Variants in TENM1 observed in about 807,000 individuals in gnomAD.
The protein encoded by TENM1 is teneurin-1.
TENM1 carries 35 observed loss-of-function variants against 174.8 expected under a neutral mutation model. The observed-to-expected ratio is 0.20, with a 90% CI of 0.15 to 0.27. TENM1 has a LOEUF of 0.27. Among genes scored for constraint, TENM1 ranks in the 10% least tolerant of loss-of-function variants. The pLI, the probability that TENM1 is intolerant of heterozygous loss-of-function variation, is 1.00. For missense variants in TENM1, 1,633 were observed against 2,130.1 expected (o/e 0.77, Z 4.59); for synonymous variants, 781 against 798.7 (o/e 0.98, Z 0.37).
chrX:124,882,781 G>A (rs2057322931), intron 3 of TENM1, among the ~76,000 whole-genome samples: 1 of 111,429 alleles, frequency 9.0e-6, no homozygotes, highest in Admixed American at 9.5e-5. Context: ...TCCTAATTCT[G>A]TGAAACATGT....
chrX:124,572,994 A>G (rs1217148466), intron 11 of TENM1, among the ~76,000 whole-genome samples: 1 of 111,564 alleles, frequency 9.0e-6, no homozygotes. Flanking sequence ...AGAGCTTGAA[A>G]CATGATCCTA....
intron 23 of TENM1, among the ~76,000 whole-genome samples, chrX:124,452,630 A>T (rs1293709915): frequency 6.3e-5 from 7 of 111,553 alleles, no homozygotes; most frequent in Non-Finnish European, 1.3e-4. Context: ...CAAATGTCCA[A>T]CAATGATAGA....
chrX:124,994,238 T>TTC, the TENM1 span, among the ~76,000 whole-genome samples: 1 of 70,934 alleles, frequency 1.4e-5, no homozygotes, highest in African/African-American at 5.5e-5. Context: ...TTTTTTTTTT[T>TTC]GGCAATTGAC....
intron 3 of TENM1, among the ~76,000 whole-genome samples, chrX:124,756,232 C>T (rs1252966078): frequency 1.9e-5 from 2 of 102,787 alleles, no homozygotes; most frequent in Non-Finnish European, 3.8e-5. Flanking sequence ...CGCTTCATTT[C>T]ATTCATTTCA....
chrX:125,066,697 C>T, the TENM1 span, among the ~76,000 whole-genome samples: 1 of 111,151 alleles, frequency 9.0e-6, no homozygotes, highest in African/African-American at 3.3e-5. Flanking sequence ...AAGTTTATAA[C>T]AAAACATGAA....
At chrX:124,460,030 T>C (rs1326513414) in intron 22 of TENM1, among the ~76,000 whole-genome samples, 2 of 112,032 alleles carry the variant, frequency 1.8e-5, no homozygotes, top group Middle Eastern at 4.2e-3. Flanking sequence ...CACAATGAGA[T>C]ACCATTTCAC....
intron 22 of TENM1, 37 bp downstream of exon 25, chrX:124,481,695 G>GTGTATA (rs1556647047): frequency 7.6e-6 from 2 of 263,938 alleles, no homozygotes; most frequent in African/African-American, 3.6e-5. Context: ...TGACCCAAGG[G>GTGTATA]TATATATATA....
At chrX:124,790,781 T>G in intron 3 of TENM1, among the ~76,000 whole-genome samples, 1 of 111,542 alleles carries the variant, frequency 9.0e-6, no homozygotes, top group Non-Finnish European at 1.9e-5. Context: ...GAAAGAGTTT[T>G]ATAATTTTAC....
At chrX:124,477,429 AT>A (rs1166722127) in intron 22 of TENM1, among the ~76,000 whole-genome samples, 3 of 111,794 alleles carry the variant, frequency 2.7e-5, no homozygotes, top group Non-Finnish European at 3.8e-5. Flanking sequence ...ATTGAAAAGC[AT>A]TTTTTTCCCC....
At chrX:125,045,033 T>C in the TENM1 span, among the ~76,000 whole-genome samples, 1 of 111,477 alleles carries the variant, frequency 9.0e-6, no homozygotes, top group African/African-American at 3.3e-5. Flanking sequence ...CCACATGGCT[T>C]GAGAGGCCTC....
intron 23 of TENM1, among the ~76,000 whole-genome samples, chrX:124,450,447 T>G (rs964485317): frequency 2.7e-5 from 3 of 111,486 alleles, no homozygotes; most frequent in South Asian, 3.8e-4. Context: ...TGCCCCTCCT[T>G]GCCTTCTACC....
At chrX:124,529,219 A>G (rs1433945208) in intron 16 of TENM1, among the ~76,000 whole-genome samples, 2 of 111,957 alleles carry the variant, frequency 1.8e-5, no homozygotes, top group Non-Finnish European at 3.8e-5. Context: ...TTCTGAATCA[A>G]TGTCTGTCTA....
At chrX:125,150,190 C>T in the TENM1 span, among the ~76,000 whole-genome samples, 2 of 111,875 alleles carry the variant, frequency 1.8e-5, no homozygotes, top group East Asian at 2.8e-4. Context: ...TTTCACATTT[C>T]ATACATGCAG....
At chrX:125,159,020 A>G in the TENM1 span, among the ~76,000 whole-genome samples, 3 of 111,233 alleles carry the variant, frequency 2.7e-5, no homozygotes, top group Non-Finnish European at 5.6e-5. Context: ...GTAAAGGCAG[A>G]AACAGTCTAG....
Position 124,860,673 on chromosome X carries a change from GC to G in TENM1, c.535+33622del, listed in dbSNP as rs780678297. On this transcript the variant is annotated intron_variant, in intron 3 of 31. Transcript: ENST00000422452. ...CAACTGAAACCCAAGTTGTTGGAAA[GC>G]AAGATATTTCTTTAAATCTCCCAGA... Among the ~76,000 whole-genome samples the G allele has an allele frequency of 5.4e-5, 6 of 111,802 alleles. No individual in the cohort carries two copies. The East Asian group carries it at 1.7e-3, about 31-fold the overall frequency.
At chrX:125,086,499 G>A in the TENM1 span, among the ~76,000 whole-genome samples, 64 of 110,470 alleles carry the variant, frequency 5.8e-4, no homozygotes, top group African/African-American at 1.9e-3. Flanking sequence ...TATGTTTCTC[G>A]AAAAAAATTT....
Position 124,764,000 on chromosome X carries a change from C to CGT in TENM1, c.536-26804_536-26803insAC, listed in dbSNP as rs200152249. Among the ~76,000 whole-genome samples, 1,015 of 112,126 alleles carry CGT rather than the reference C, an allele frequency of 9.1e-3. 12 individuals are homozygous for CGT. The highest frequency in any genetic ancestry group is 0.031 in the African/African-American group (965 of 30,905). ...TGGTTATTTGCAGGGTTTGGCTAAA[C>CGT]TTGAATCCAACGTTTATAAAGAAAT... On this transcript the variant is annotated intron_variant, in intron 3 of 31. Coordinates refer to ENST00000422452, the Ensembl canonical transcript of TENM1.
intron 23 of TENM1, among the ~76,000 whole-genome samples, chrX:124,427,952 G>C (rs1163969568): frequency 9.0e-6 from 1 of 110,789 alleles, no homozygotes; most frequent in African/African-American, 3.3e-5. Context: ...TCTTTTTTGG[G>C]GGGGTGGGAA....
At chrX:124,603,667 T>A (rs2213412) in intron 11 of TENM1, among the ~76,000 whole-genome samples, 1 of 111,048 alleles carries the variant, frequency 9.0e-6, no homozygotes. Flanking sequence ...TAATAACTTA[T>A]GTTCTAAATA....
Sources: allele counts gnomAD v4.1 joint callset (sites outside exome capture counted in the v4.1 genomes callset), GRCh38; gene constraint gnomAD v4.1.1; transcripts MANE v1.5; gene names NCBI Gene and HGNC (gene_info 2026-07-23, HGNC 2026-07-21).